AKT1: variants seen among roughly 807,000 people sequenced by gnomAD.
AKT1 encodes the protein RAC-alpha serine/threonine-protein kinase.
In AKT1, 21 loss-of-function variants were observed where a neutral mutation model predicts 63.1. The observed-to-expected ratio is 0.33, with a 90% CI of 0.24 to 0.48. AKT1 has a LOEUF of 0.48. Ranked by LOEUF, AKT1 falls within the 20% of genes least tolerant of loss-of-function variation. The probability of loss-of-function intolerance (pLI) is 0.99; values close to 1 mark genes in which losing one functional copy is unlikely to be tolerated. For missense variants in AKT1, 382 were observed against 666.0 expected (o/e 0.57, Z 4.69); for synonymous variants, 257 against 253.1 (o/e 1.02, Z -0.15).
intron 3 of AKT1, among the ~76,000 whole-genome samples, chr14:104,787,263 G>A (rs1893380789): frequency 6.6e-6 from 1 of 152,184 alleles, no homozygotes; most frequent in Admixed American, 6.5e-5. Flanking sequence ...GAGGAAGTAA[G>A]GGGCCTAGGG....
In AKT1 at chr14:104,774,923, TG is replaced by T; in HGVS notation, c.633+14del. 1 of 1,607,972 alleles carries T rather than the reference TG, an allele frequency of 6.2e-7. No homozygotes were observed. On this transcript the variant is annotated intron_variant, in intron 8 of 14. Coordinates refer to ENST00000649815, the MANE Select transcript of AKT1 (RefSeq NM_001382430.1). ...CTGGCCCCAGCCCTTCAGCCCCATCTGGGCTCCCACTCACTGTGAGGAAGGG... is the reference window on the plus strand; with the variant it reads ...CTGGCCCCAGCCCTTCAGCCCCATCTGGCTCCCACTCACTGTGAGGAAGGG...
intron 4 of AKT1, among the ~76,000 whole-genome samples, chr14:104,779,352 G>C (rs1308940075): frequency 1.3e-5 from 2 of 152,232 alleles, no homozygotes; most frequent in South Asian, 2.1e-4. Context: ...TGGAGGCTGA[G>C]AGCCTGTGCA....
At chr14:104,792,161 C>A (rs1021422266) in intron 3 of AKT1, among the ~76,000 whole-genome samples, 1 of 152,192 alleles carries the variant, frequency 6.6e-6, no homozygotes, top group Admixed American at 6.5e-5. Context: ...CCAGGCGGTA[C>A]GGATTCCCCC....
chr14:104,772,305 G>C, intron 13 of AKT1, 60 bp downstream of exon 13: 1 of 1,572,312 alleles, frequency 6.4e-7, no homozygotes. Context: ...CCACGTGCAT[G>C]CGTGAGTGTG....
intron 3 of AKT1, among the ~76,000 whole-genome samples, chr14:104,790,571 G>A (rs1185662257): frequency 2.0e-5 from 3 of 152,214 alleles, no homozygotes; most frequent in Admixed American, 6.5e-5. Flanking sequence ...GCTTTCCTCC[G>A]CAAGGAGCGG....
At chr14:104,790,916 G>A (rs61758467) in intron 3 of AKT1, among the ~76,000 whole-genome samples, 302 of 152,330 alleles carry the variant, frequency 2.0e-3, no homozygotes, top group Non-Finnish European at 3.4e-3. Flanking sequence ...CTCTTGGAAA[G>A]GGTCATGGCG....
intron 13 of AKT1, chr14:104,771,414 AC>A: frequency 4.3e-6 from 1 of 231,492 alleles, no homozygotes; most frequent in South Asian, 1.8e-4. Context: ...ACAGTCAAGG[AC>A]CCCCTCAAGC....
chr14:104,782,890 G>C (rs566385051), intron 3 of AKT1, among the ~76,000 whole-genome samples: 48 of 152,252 alleles, frequency 3.2e-4, no homozygotes, highest in African/African-American at 1.0e-3. Flanking sequence ...GGATCACTTG[G>C]GGGGGTGCCA....
At chr14:104,787,759 G>T (rs951259821) in intron 3 of AKT1, among the ~76,000 whole-genome samples, 1 of 152,252 alleles carries the variant, frequency 6.6e-6, no homozygotes, top group African/African-American at 2.4e-5. Context: ...TCCCTGCCCA[G>T]AGAGGGCCAG....
chr14:104,787,619 G>A (rs1364885207), intron 3 of AKT1, among the ~76,000 whole-genome samples: 5 of 152,204 alleles, frequency 3.3e-5, no homozygotes, highest in East Asian at 1.9e-4. Flanking sequence ...GATGCAACCC[G>A]GCCAGGCTTC....
chr14:104,773,822 T>A (rs1011707063), intron 9 of AKT1, 90 bp downstream of exon 9: 32 of 1,378,834 alleles, frequency 2.3e-5, no homozygotes, highest in Non-Finnish European at 3.1e-5. Context: ...TCTGGTGCCA[T>A]GGAGAGTAGC....
intron 5 of AKT1, 141 bp from the exon 6 acceptor site, chr14:104,775,940 G>A (rs1351133273): frequency 7.9e-6 from 8 of 1,011,996 alleles, no homozygotes; most frequent in Non-Finnish European, 1.1e-5. Flanking sequence ...GCCACCACTT[G>A]ACCTGGTCTG....
intron 11 of AKT1, 26 bp downstream of exon 11, chr14:104,773,225 C>A: frequency 6.2e-7 from 1 of 1,614,012 alleles, no homozygotes; most frequent in Admixed American, 1.7e-5. Context: ...CGCAGCAACG[C>A]GTATGCACGC....
At chr14:104,791,577 G>A (rs980861791) in intron 3 of AKT1, among the ~76,000 whole-genome samples, 2 of 152,066 alleles carry the variant, frequency 1.3e-5, no homozygotes, top group African/African-American at 4.8e-5. Context: ...CCCACCCCCA[G>A]GCTCCTGTGG....
At chr14:104,772,651 G>A (rs1169562472) in intron 12 of AKT1, among the ~76,000 whole-genome samples, 199 bp from the exon 13 acceptor site, 1 of 152,230 alleles carries the variant, frequency 6.6e-6, no homozygotes, top group Non-Finnish European at 1.5e-5. Flanking sequence ...GGCTTCCTGA[G>A]TGGGTGGGTG....
rs1892271933 is a variant in AKT1, at chr14:104,769,767, CCATCCCT to C, written c.*567_*573del. On this transcript the variant is annotated 3_prime_UTR_variant, in exon 15 of 15. Coordinates refer to ENST00000649815, the MANE Select transcript of AKT1 (RefSeq NM_001382430.1). ...CACTGGGTAAACCCTGGCCCATCCC[CCATCCCT>C]GGTCCCATCCCAGGGGCCCAGCCTC... 2.6e-6 allele frequency: 1 copy of C among 390,536 alleles called. No homozygotes were observed. Among genetic ancestry groups the C allele is most frequent in the Admixed American group, 4.3e-5 (1 of 23,092 alleles). The allele number at this position is 390,536 out of a possible 1,614,324, so 24.2% of individuals were successfully genotyped here. A position where few individuals can be genotyped will look rare whatever the true frequency, so the allele number is the denominator to read the frequency against.
At chr14:104,785,988 C>G (rs534114029) in intron 3 of AKT1, among the ~76,000 whole-genome samples, 2 of 152,108 alleles carry the variant, frequency 1.3e-5, no homozygotes, top group East Asian at 3.9e-4. Context: ...TGTCCTCCCC[C>G]ACAGGCACTG....
intron 3 of AKT1, among the ~76,000 whole-genome samples, chr14:104,785,735 C>T (rs1048316370): frequency 4.6e-5 from 7 of 152,176 alleles, no homozygotes; most frequent in Non-Finnish European, 8.8e-5. Flanking sequence ...TCTTCACCTC[C>T]TTCCGCTCCA....
intron 3 of AKT1, among the ~76,000 whole-genome samples, chr14:104,791,461 C>T (rs531626831): frequency 6.6e-6 from 1 of 152,080 alleles, no homozygotes; most frequent in East Asian, 1.9e-4. Flanking sequence ...GTCTTCATCT[C>T]GAGGCCCCGC....
Sources: gnomAD v4.1 joint callset for allele counts (sites outside exome capture counted in the v4.1 genomes callset) on GRCh38, gnomAD v4.1.1 for gene constraint, MANE v1.5 for transcripts, NCBI Gene and HGNC (gene_info 2026-07-23, HGNC 2026-07-21) for gene names.